Variants in EPB41L4B observed in about 807,000 individuals in gnomAD.
EPB41L4B encodes the protein erythrocyte membrane protein band 4.1 like 4B, also known as band 4.1-like protein 4B.
EPB41L4B carries 30 observed loss-of-function variants against 112.5 expected under a neutral mutation model. The ratio of observed to expected loss-of-function variants is 0.27; its 90% CI spans 0.20 to 0.36. The LOEUF (loss-of-function observed/expected upper bound fraction) is 0.36, where lower values mean the gene tolerates loss of function less well. Ranked by LOEUF, EPB41L4B falls within the 10% of genes least tolerant of loss-of-function variation. The pLI, the probability that EPB41L4B is intolerant of heterozygous loss-of-function variation, is 1.00. For synonymous variants in EPB41L4B, 408 were observed against 439.7 expected (o/e 0.93, Z 0.90); for missense variants, 1,024 against 1,133.3 (o/e 0.90, Z 1.38).
chr9:109,179,858 T>C (rs947901380), intron 24 of EPB41L4B, among the ~76,000 whole-genome samples: 1 of 152,190 alleles, frequency 6.6e-6, no homozygotes, highest in Non-Finnish European at 1.5e-5. Flanking sequence ...CTTAAGCCAC[T>C]GTCCTGCGTT....
At chr9:109,193,883 T>C (rs1832550570) in intron 21 of EPB41L4B, among the ~76,000 whole-genome samples, 1 of 152,152 alleles carries the variant, frequency 6.6e-6, no homozygotes, top group South Asian at 2.1e-4. Flanking sequence ...TTCACTATGG[T>C]TGGGGGGGAA....
At chr9:109,269,505 T>C (rs1049581894) in intron 2 of EPB41L4B, among the ~76,000 whole-genome samples, 7 of 152,312 alleles carry the variant, frequency 4.6e-5, no homozygotes, top group Non-Finnish European at 1.0e-4. Flanking sequence ...CAGACAGACA[T>C]CAGCTCCTGG....
chr9:109,176,712 G>T lies in EPB41L4B; in HGVS notation c.2488-16C>A, dbSNP rs1221939680. ...TGAAGTCTGCCTGGAGAAGAAACAGGAAAGAGGAGATCAATCTCAATTTGG... is the reference window on the plus strand; with the variant it reads ...TGAAGTCTGCCTGGAGAAGAAACAGTAAAGAGGAGATCAATCTCAATTTGG... On this transcript the variant is annotated splice_polypyrimidine_tract_variant and intron_variant, in intron 24 of 25. Coordinates refer to ENST00000374566, the MANE Select transcript of EPB41L4B (RefSeq NM_019114.5). 6.2e-7 allele frequency: 1 copy of T among 1,613,102 alleles called. No individual in the cohort carries two copies. The highest frequency in any genetic ancestry group is 1.7e-4 in the Middle Eastern group (1 of 6,054).
At chr9:109,306,383 G>A (rs1170140620) in intron 1 of EPB41L4B, among the ~76,000 whole-genome samples, 2 of 152,178 alleles carry the variant, frequency 1.3e-5, no homozygotes, top group Non-Finnish European at 2.9e-5. Flanking sequence ...AGGCCGAGGT[G>A]GGGATGGATC....
rs143377270 is a variant in EPB41L4B at position 109,273,968 on chromosome 9, G to C, written c.412-5535C>G. Among the ~76,000 whole-genome samples, 107 of 152,230 alleles carry C rather than the reference G, an allele frequency of 7.0e-4. 1 individual carries two copies. Among genetic ancestry groups the C allele is most frequent in the African/African-American group, 2.3e-3 (97 of 41,528 alleles). ...CAAGTGGCAAATGTGATGACATTCT[G>C]ACCAATCATTAAAGCAAAGCCAAAG... On this transcript the variant is annotated intron_variant, in intron 2 of 25. Transcript: ENST00000374566.
chr9:109,293,576 G>A (rs775300990), intron 1 of EPB41L4B, among the ~76,000 whole-genome samples: 2 of 151,606 alleles, frequency 1.3e-5, no homozygotes, highest in Admixed American at 1.3e-4. Flanking sequence ...TAGAGATGGG[G>A]TTTCTTCATG....
At position 109,305,816 on chromosome 9, in the gene EPB41L4B, T is replaced by C. The variant is rs564036465; in HGVS notation, c.306+14325A>G. On this transcript the variant is annotated intron_variant, in intron 1 of 25. Transcript: ENST00000374566. ...CCCAGTGCCTATAATTCCAGCTACT[T>C]GGGAGGCTGAGGCAGCAGAATCGCT... Among the ~76,000 whole-genome samples the C allele has an allele frequency of 3.3e-5, 5 of 151,726 alleles. No individual in the cohort carries two copies. In the East Asian group the frequency reaches 9.8e-4, roughly 30 times the overall value.
In EPB41L4B at chr9:109,212,049, G is replaced by C. The variant is rs185039397; in HGVS notation, c.1752+1651C>G. On this transcript the variant is annotated intron_variant, in intron 17 of 25. Transcript: ENST00000374566. Reference sequence around the variant, plus strand: ...TCTTTGAGTGGAGGAGATAGGAAGGGAGTTGTAACTTGACCTCCAGGGAAA... The same window carrying C: ...TCTTTGAGTGGAGGAGATAGGAAGGCAGTTGTAACTTGACCTCCAGGGAAA... 1.1e-3 allele frequency among the ~76,000 whole-genome samples: 173 copies of C among 152,120 alleles called. 1 individual carries two copies. Among genetic ancestry groups the C allele is most frequent in the Non-Finnish European group, 2.1e-3 (140 of 67,988 alleles).
At chr9:109,249,970 G>A (rs1050950814) in intron 13 of EPB41L4B, among the ~76,000 whole-genome samples, 1 of 152,204 alleles carries the variant, frequency 6.6e-6, no homozygotes, top group South Asian at 2.1e-4. Flanking sequence ...GGGACCAGCT[G>A]TGTTCTCTAG....
rs1831857364 is a variant in EPB41L4B at position 109,176,757 on chromosome 9, A to G, written c.2488-61T>C. ...ATTTGGGTTCCATTTTCACACTGTC[A>G]GTTGCTCCCTAAGCCTTACTCTACA... On this transcript the variant is annotated intron_variant, in intron 24 of 25. Transcript: ENST00000374566. 23 of 1,587,758 alleles carry G rather than the reference A, an allele frequency of 1.4e-5. 1 individual carries two copies. The South Asian group carries it at 2.6e-4, about 18-fold the overall frequency.
intron 12 of EPB41L4B, among the ~76,000 whole-genome samples, chr9:109,252,984 G>A (rs984541100): frequency 6.6e-6 from 1 of 152,208 alleles, no homozygotes; most frequent in Non-Finnish European, 1.5e-5. Context: ...GGTGAGGAAA[G>A]TTTGGACTGA....
In EPB41L4B at chr9:109,256,223, C is replaced by T; in HGVS notation, c.842G>A (p.Gly281Glu). The change falls in exon 9 of 26, where the codon GGA (glycine) becomes GAA (glutamate). Residue 281 changes from glycine to glutamate, a missense_variant and splice_region_variant. Gly to Glu is a moderately conservative substitution (Grantham distance 98). Transcript: ENST00000374566. Reference protein sequence around the residue: ...MYGVDMHVVRGRDGCEYSLGL... With the variant: ...MYGVDMHVVRERDGCEYSLGL... Reference sequence around the variant, plus strand: ...AAGAGAATATTCACAGCCATCTCTTCCCTACAAACAAACGAAGTGACAATC... The same window carrying T: ...AAGAGAATATTCACAGCCATCTCTTTCCTACAAACAAACGAAGTGACAATC... 1 of 1,613,970 alleles carries T rather than the reference C, an allele frequency of 6.2e-7. No homozygotes were observed. Among genetic ancestry groups the T allele is most frequent in the Non-Finnish European group, 8.5e-7 (1 of 1,179,820 alleles).
At chr9:109,219,792 A>T (rs934055903) in intron 15 of EPB41L4B, among the ~76,000 whole-genome samples, 1 of 152,208 alleles carries the variant, frequency 6.6e-6, no homozygotes, top group African/African-American at 2.4e-5. Flanking sequence ...AATATTTAAA[A>T]CCTTTTCGTG....
intron 13 of EPB41L4B, 65 bp downstream of exon 13, chr9:109,251,416 C>T: frequency 6.7e-7 from 1 of 1,502,358 alleles, no homozygotes. Flanking sequence ...AGGAAAAAGT[C>T]AACATTGCAA....
chr9:109,236,041 C>T (rs1175267646), intron 15 of EPB41L4B, among the ~76,000 whole-genome samples: 1 of 152,182 alleles, frequency 6.6e-6, no homozygotes, highest in Admixed American at 6.5e-5. Context: ...CACTGTGGAC[C>T]CTTTAATCCT....
chr9:109,291,692 G>C (rs1366850340), intron 1 of EPB41L4B, among the ~76,000 whole-genome samples: 1 of 152,184 alleles, frequency 6.6e-6, no homozygotes, highest in Non-Finnish European at 1.5e-5. Flanking sequence ...AGAAGAAAGT[G>C]ACTGCCTGTC....
chr9:109,187,194 C>A (rs1403187913), intron 22 of EPB41L4B, among the ~76,000 whole-genome samples: 1 of 152,106 alleles, frequency 6.6e-6, no homozygotes, highest in East Asian at 1.9e-4. Flanking sequence ...TATCATCCTG[C>A]TGTGAAGAAT....
intron 17 of EPB41L4B, among the ~76,000 whole-genome samples, chr9:109,213,365 T>C (rs984965054): frequency 1.3e-5 from 2 of 152,156 alleles, no homozygotes; most frequent in East Asian, 3.9e-4. Flanking sequence ...TGCCAGGCAT[T>C]GTCAGAGGGA....
intron 1 of EPB41L4B, among the ~76,000 whole-genome samples, chr9:109,318,118 C>T (rs1020125104): frequency 4.6e-5 from 7 of 151,672 alleles, no homozygotes; most frequent in Non-Finnish European, 7.4e-5. Flanking sequence ...CCAGCATTTG[C>T]TTTTTATCTG....
Sources: gnomAD v4.1 joint callset for allele counts (sites outside exome capture counted in the v4.1 genomes callset) on GRCh38, gnomAD v4.1.1 for gene constraint, MANE v1.5 for transcripts, NCBI Gene and HGNC (gene_info 2026-07-23, HGNC 2026-07-21) for gene names.